Variants in GRIK2 observed in about 807,000 individuals in gnomAD.
GRIK2 encodes the protein glutamate ionotropic receptor kainate type subunit 2, also known as glutamate receptor ionotropic, kainate 2.
In GRIK2, 32 loss-of-function variants were observed where a neutral mutation model predicts 100.3. The ratio of observed to expected loss-of-function variants is 0.32; its 90% CI spans 0.24 to 0.43. The LOEUF (loss-of-function observed/expected upper bound fraction) is 0.43. Among genes scored for constraint, GRIK2 ranks in the 20% least tolerant of loss-of-function variants. The pLI, the probability that GRIK2 is intolerant of heterozygous loss-of-function variation, is 1.00. For missense variants in GRIK2, 843 were observed against 1,114.9 expected (o/e 0.76, Z 3.47); for synonymous variants, 417 against 389.4 (o/e 1.07, Z -0.83).
rs751349583 is a variant in GRIK2 at position 101,485,914 on chromosome 6, G to C, written c.115+86522G>C. On this transcript the variant is annotated intron_variant, in intron 2 of 16. Transcript: ENST00000369134. ...TTAGCAGGCACAGTTGCACCATTGC[G>C]CTTTTTTTTTTTTTTAGTAAAACAG... Among the ~76,000 whole-genome samples, 2 of 134,304 alleles carry C rather than the reference G, an allele frequency of 1.5e-5. 1 individual carries two copies. Among genetic ancestry groups the C allele is most frequent in the South Asian group, 4.7e-4 (2 of 4,264 alleles). The allele number at this position is 134,304 out of a possible 152,430, so 88.1% of individuals were successfully genotyped here.
At chr6:101,730,824 A>T (rs1172734661) in intron 7 of GRIK2, among the ~76,000 whole-genome samples, 1 of 151,868 alleles carries the variant, frequency 6.6e-6, no homozygotes, top group African/African-American at 2.4e-5. Flanking sequence ...TTTTTTAAAA[A>T]TGAGAGGATC....
chr6:102,004,858 C>A (rs545513730), intron 14 of GRIK2, among the ~76,000 whole-genome samples: 2 of 151,554 alleles, frequency 1.3e-5, no homozygotes, highest in Non-Finnish European at 2.9e-5. Flanking sequence ...TTCTCCAGTG[C>A]ATTTTTTTTT....
intron 2 of GRIK2, among the ~76,000 whole-genome samples, chr6:101,492,263 ATAGT>A (rs944107179): frequency 6.6e-5 from 10 of 151,950 alleles, no homozygotes; most frequent in Non-Finnish European, 8.8e-5. Flanking sequence ...TCATTAGCTG[ATAGT>A]TAACATTTAT....
At chr6:101,708,938 C>T (rs1773519218) in intron 7 of GRIK2, among the ~76,000 whole-genome samples, 1 of 151,616 alleles carries the variant, frequency 6.6e-6, no homozygotes, top group Non-Finnish European at 1.5e-5. Flanking sequence ...TCATTAGGGT[C>T]GGCCCTAATC....
intron 12 of GRIK2, among the ~76,000 whole-genome samples, chr6:101,908,692 C>T (rs1033428999): frequency 6.6e-6 from 1 of 151,024 alleles, no homozygotes; most frequent in Non-Finnish European, 1.5e-5. Flanking sequence ...AATAAATTTG[C>T]AAAGTGTAAT....
chr6:101,694,121 T>A (rs2128348626), intron 7 of GRIK2, among the ~76,000 whole-genome samples: 1 of 152,220 alleles, frequency 6.6e-6, no homozygotes, highest in South Asian at 2.1e-4. Flanking sequence ...AGACTCCACA[T>A]CTGCATCTGG....
Position 101,653,422 on chromosome 6 carries a change from C to T in GRIK2, c.542-23201C>T, listed in dbSNP as rs145885808. On this transcript the variant is annotated intron_variant, in intron 4 of 16. Coordinates refer to ENST00000369134, the MANE Select transcript of GRIK2 (RefSeq NM_021956.5). ...GCGCCCTCACTCCCCACCACCTGAT[C>T]TCTCACTACCATGTTTCCTCCTTGA... 5.8e-4 allele frequency among the ~76,000 whole-genome samples: 88 copies of T among 151,968 alleles called. 2 individuals carry two copies. Among genetic ancestry groups the T allele is most frequent in the Middle Eastern group, 3.4e-3 (1 of 294 alleles).
At chr6:101,980,668 A>T (rs73763616) in intron 14 of GRIK2, among the ~76,000 whole-genome samples, 1,601 of 151,924 alleles carry the variant, frequency 0.011, 30 homozygotes, top group African/African-American at 0.037. Context: ...TATTGTATAA[A>T]ATGCCTCATT....
At chr6:101,531,138 G>C (rs907823290) in intron 2 of GRIK2, among the ~76,000 whole-genome samples, 1 of 151,976 alleles carries the variant, frequency 6.6e-6, no homozygotes, top group African/African-American at 2.4e-5. Context: ...GTGCCATAGA[G>C]TATCCCAGGA....
chr6:101,782,886 T>C (rs1583139302), intron 7 of GRIK2, among the ~76,000 whole-genome samples: 1 of 142,364 alleles, frequency 7.0e-6, no homozygotes, highest in East Asian at 2.1e-4. Flanking sequence ...TGAGATGGAG[T>C]CTCACTGTCG....
At chr6:101,594,376 A>AT (rs1485070154) in intron 2 of GRIK2, among the ~76,000 whole-genome samples, 100 of 151,926 alleles carry the variant, frequency 6.6e-4, no homozygotes, top group Middle Eastern at 3.4e-3. Flanking sequence ...TAAAAAAGAC[A>AT]TTTTCATATC....
intron 7 of GRIK2, among the ~76,000 whole-genome samples, chr6:101,692,370 A>C (rs1482080745): frequency 6.6e-6 from 1 of 152,152 alleles, no homozygotes; most frequent in Non-Finnish European, 1.5e-5. Context: ...TTGATGAATT[A>C]ACTTTTTAAA....
At chr6:101,434,586 C>A (rs1407978446) in intron 2 of GRIK2, among the ~76,000 whole-genome samples, 1 of 151,940 alleles carries the variant, frequency 6.6e-6, no homozygotes, top group Non-Finnish European at 1.5e-5. Flanking sequence ...ATAGCTCTAT[C>A]GAGTTTAACA....
chr6:101,795,646 C>T (rs1780250155), intron 7 of GRIK2, among the ~76,000 whole-genome samples: 1 of 152,216 alleles, frequency 6.6e-6, no homozygotes, highest in African/African-American at 2.4e-5. Context: ...TCTCAGGCAT[C>T]ACATACTGGT....
intron 12 of GRIK2, among the ~76,000 whole-genome samples, chr6:101,917,409 A>C (rs1789188947): frequency 6.6e-6 from 1 of 151,716 alleles, no homozygotes; most frequent in Admixed American, 6.6e-5. Flanking sequence ...AATAATGCTG[A>C]AAAGTTGAGC....
intron 14 of GRIK2, among the ~76,000 whole-genome samples, chr6:101,973,293 AAT>A (rs1179011813): frequency 6.6e-6 from 1 of 151,970 alleles, no homozygotes; most frequent in Non-Finnish European, 1.5e-5. Flanking sequence ...CACTTGAAGT[AAT>A]GTTTCTAAAC....
chr6:101,899,947 G>A (rs1473027479), intron 12 of GRIK2, among the ~76,000 whole-genome samples: 2 of 151,998 alleles, frequency 1.3e-5, no homozygotes, highest in African/African-American at 4.8e-5. Context: ...CTGAAGATAT[G>A]TTTTGGAAAC....
chr6:101,591,719 C>T (rs1379925826), intron 2 of GRIK2, among the ~76,000 whole-genome samples: 1 of 151,852 alleles, frequency 6.6e-6, no homozygotes, highest in East Asian at 1.9e-4. Context: ...GGGGAAATGA[C>T]TATAAAGCAA....
chr6:101,556,395 C>T (rs1039769611), intron 2 of GRIK2, among the ~76,000 whole-genome samples: 1 of 124,198 alleles, frequency 8.1e-6, no homozygotes, highest in African/African-American at 3.1e-5. Context: ...AGTGCAGTGG[C>T]GCGATCTCGG....
Sources: allele counts gnomAD v4.1 joint callset (sites outside exome capture counted in the v4.1 genomes callset), GRCh38; gene constraint gnomAD v4.1.1; transcripts MANE v1.5; gene names NCBI Gene and HGNC (gene_info 2026-07-23, HGNC 2026-07-21).